The following CD2AP variants were observed in gnomAD, a reference collection of about 807,000 sequenced individuals.
CD2AP encodes the protein CD2 associated protein, also known as CD2-associated protein.
Under a neutral mutation model 85.1 loss-of-function variants are expected in CD2AP, and 46 were observed. That is an observed-to-expected ratio of 0.54 (90% CI 0.43 to 0.69). The LOEUF (loss-of-function observed/expected upper bound fraction) is 0.69. CD2AP is among the 30% of genes least tolerant of loss of function. The pLI is 0.00. For synonymous variants in CD2AP, 255 were observed against 252.9 expected (o/e 1.01, Z -0.08); for missense variants, 769 against 729.5 (o/e 1.05, Z -0.62).
chr6:47,531,737 T>C (rs1386186174), intron 2 of CD2AP, among the ~76,000 whole-genome samples: 1 of 152,088 alleles, frequency 6.6e-6, no homozygotes, highest in East Asian at 1.9e-4. Context: ...ATTAAAAAAC[T>C]AGCACATTAT....
At chr6:47,530,398 A>T (rs1354334428) in intron 2 of CD2AP, among the ~76,000 whole-genome samples, 1 of 152,136 alleles carries the variant, frequency 6.6e-6, no homozygotes, top group Non-Finnish European at 1.5e-5. Context: ...CGACAAAACC[A>T]TTTATCTGCT....
chr6:47,557,425 A>C (rs552945851), intron 5 of CD2AP, among the ~76,000 whole-genome samples: 134 of 152,120 alleles, frequency 8.8e-4, no homozygotes, highest in African/African-American at 4.6e-4. Flanking sequence ...AATGGTATTG[A>C]CTAGGTTTTC....
At chr6:47,576,276 A>G (rs1768309365) in intron 6 of CD2AP, among the ~76,000 whole-genome samples, 1 of 152,164 alleles carries the variant, frequency 6.6e-6, no homozygotes, top group Admixed American at 6.5e-5. Context: ...ATTAAATCTC[A>G]TTAATATACT....
intron 2 of CD2AP, among the ~76,000 whole-genome samples, chr6:47,522,927 A>G (rs897331238): frequency 6.6e-6 from 1 of 152,010 alleles, no homozygotes; most frequent in Non-Finnish European, 1.5e-5. Flanking sequence ...GTATATAGCT[A>G]CTTTGGAAAG....
rs1413605047 is a variant in CD2AP at position 47,503,298 on chromosome 6, A to G, written c.23A>G (p.Tyr8Cys). Reference sequence around the variant, plus strand: ...TTTTTAGTTGACTATATTGTGGAGTATGACTATGATGCTGTACATGATGAT... The same window carrying G: ...TTTTTAGTTGACTATATTGTGGAGTGTGACTATGATGCTGTACATGATGAT... MVDYIVE[Y>C]DYDAVHDDEL... is the part of the protein sequence containing the mutation. The change falls in exon 2 of 18, where the codon TAT (tyrosine) becomes TGT (cysteine). Residue 8 changes from tyrosine (Y) to cysteine (C), a missense_variant. Physicochemically the swap from Tyr to Cys is radical, Grantham distance 194. Coordinates refer to ENST00000359314, the MANE Select transcript of CD2AP (RefSeq NM_012120.3). 6.2e-7 allele frequency: 1 copy of G among 1,613,786 alleles called. No individual in the cohort carries two copies. Among genetic ancestry groups the G allele is most frequent in the East Asian group, 2.2e-5 (1 of 44,796 alleles).
intron 2 of CD2AP, among the ~76,000 whole-genome samples, chr6:47,523,791 T>A (rs1766654921): frequency 6.6e-6 from 1 of 152,190 alleles, no homozygotes; most frequent in East Asian, 1.9e-4. Context: ...TTTTTCCAAA[T>A]GCCCTATAAC....
At chr6:47,529,583 T>C (rs1253869724) in intron 2 of CD2AP, among the ~76,000 whole-genome samples, 1 of 152,202 alleles carries the variant, frequency 6.6e-6, no homozygotes, top group Non-Finnish European at 1.5e-5. Context: ...TTTATTAATT[T>C]TACTAAATGT....
In CD2AP at chr6:47,579,718, C is replaced by T. The variant is rs908063303; in HGVS notation, c.1008+229C>T. The T allele has an allele frequency of 2.0e-5, 9 of 454,604 alleles. No homozygotes were observed. In the Admixed American group the frequency reaches 3.4e-4, roughly 17 times the overall value. The allele number at this position is 454,604 out of a possible 1,614,324, so 28.2% of individuals were successfully genotyped here. A position where few individuals can be genotyped will look rare whatever the true frequency, so the allele number is the denominator to read the frequency against. The stretch of plus-strand genomic sequence containing the variant: ...GACTGTACTGAAAAATAACCTTAGA[C>T]TTCTTTATTTTATAATTTAAGAAGG... On this transcript the variant is annotated intron_variant, in intron 9 of 17. Transcript: ENST00000359314.
intron 5 of CD2AP, among the ~76,000 whole-genome samples, chr6:47,563,896 AAACAAAAATATT>A (rs1265839690): frequency 6.6e-6 from 1 of 152,186 alleles, no homozygotes; most frequent in African/African-American, 2.4e-5. Context: ...TTAATGAATT[AAACAAAAATATT>A]AACAAAAATA....
chr6:47,507,845 ATCT>A (rs1440100656), intron 2 of CD2AP, among the ~76,000 whole-genome samples: 1 of 152,224 alleles, frequency 6.6e-6, no homozygotes, highest in African/African-American at 2.4e-5. Flanking sequence ...AACAACATTC[ATCT>A]TCTTGTACAT....
chr6:47,608,559 C>T (rs1769337707), intron 15 of CD2AP, among the ~76,000 whole-genome samples: 1 of 152,120 alleles, frequency 6.6e-6, no homozygotes, highest in Non-Finnish European at 1.5e-5. Flanking sequence ...GATTTCATTT[C>T]AGGGCATTTT....
chr6:47,575,662 A>G (rs1037576665), intron 6 of CD2AP, among the ~76,000 whole-genome samples: 1 of 152,356 alleles, frequency 6.6e-6, no homozygotes, highest in East Asian at 1.9e-4. Flanking sequence ...AATGACATCT[A>G]AGGTTAAATG....
chr6:47,503,407 G>A lies in CD2AP; in HGVS notation c.132G>A (p.Gly44=). The part of the protein sequence containing the change: ...EEGWLEGELN[G]RRGMFPDNFV... ...GGTGGCTGGAAGGAGAACTAAATGG[G>A]AGAAGAGGAATGTTCCCTGACAATT... is the stretch of plus-strand genomic sequence containing the variant. The change falls in exon 2 of 18, where the codon GGG becomes GGA. Residue 44 remains glycine (G), a synonymous_variant. Transcript: ENST00000359314. 6.2e-7 allele frequency: 1 copy of A among 1,613,898 alleles called. No individual in the cohort carries two copies. Among genetic ancestry groups the A allele is most frequent in the Non-Finnish European group, 8.5e-7 (1 of 1,179,878 alleles).
At chr6:47,612,183 C>T (rs1335667389) in intron 16 of CD2AP, among the ~76,000 whole-genome samples, 2 of 151,856 alleles carry the variant, frequency 1.3e-5, no homozygotes, top group African/African-American at 2.4e-5. Context: ...GTATGATAGC[C>T]GAATATAGAA....
chr6:47,478,311 C>CT, intron 1 of CD2AP, 63 bp downstream of exon 1: 1 of 1,550,472 alleles, frequency 6.4e-7, no homozygotes, highest in Non-Finnish European at 8.7e-7. Flanking sequence ...AGGCTGTGCC[C>CT]TTTCTCGGCC....
chr6:47,608,282 A>G (rs527361028), intron 15 of CD2AP, among the ~76,000 whole-genome samples: 1 of 152,258 alleles, frequency 6.6e-6, no homozygotes, highest in East Asian at 1.9e-4. Flanking sequence ...CTCTGCATCT[A>G]TTTCGTTTCT....
Position 47,478,073 on chromosome 6 carries a change from G to C in CD2AP, c.-172G>C. The C allele has an allele frequency of 1.2e-6, 1 of 818,558 alleles. No individual in the cohort carries two copies. The allele number at this position is 818,558 out of a possible 1,614,324, so 50.7% of individuals were successfully genotyped here. A position where few individuals can be genotyped will look rare whatever the true frequency, so the allele number is the denominator to read the frequency against. On this transcript the variant is annotated 5_prime_UTR_variant, in exon 1 of 18. Transcript: ENST00000359314. ...CCTCGAGGGCCGCGCTGAAGAGACT[G>C]GTAGGAGAGCGCCGCGGGCGGATGG...
chr6:47,544,755 A>G, intron 4 of CD2AP, 49 bp downstream of exon 4: 2 of 1,098,010 alleles, frequency 1.8e-6, no homozygotes, highest in Non-Finnish European at 2.8e-6. Context: ...AATTGATGCT[A>G]TGGATTTTAG....
At chr6:47,502,798 C>T (rs536703874) in intron 1 of CD2AP, among the ~76,000 whole-genome samples, 17 of 152,182 alleles carry the variant, frequency 1.1e-4, no homozygotes, top group African/African-American at 4.1e-4. Flanking sequence ...GGCCTGAACT[C>T]CTGAGTTTAA....
Sources: gnomAD v4.1 joint callset for allele counts (sites outside exome capture counted in the v4.1 genomes callset) on GRCh38, gnomAD v4.1.1 for gene constraint, MANE v1.5 for transcripts, NCBI Gene and HGNC (gene_info 2026-07-23, HGNC 2026-07-21) for gene names.